The following CNN3 variants were observed in gnomAD, a reference collection of about 807,000 sequenced individuals.
CNN3 encodes calponin-3.
A neutral mutation model predicts 39.0 loss-of-function variants in CNN3; 11 were observed. That is an observed-to-expected ratio of 0.28 (90% confidence interval 0.18 to 0.47). The LOEUF (loss-of-function observed/expected upper bound fraction) is 0.47. Among genes scored for constraint, CNN3 ranks in the 20% least tolerant of loss-of-function variants. The pLI is 0.99. For missense variants in CNN3, 266 were observed against 403.4 expected (o/e 0.66, Z 2.92); for synonymous variants, 101 against 138.3 (o/e 0.73, Z 1.89).
chr1:94,912,989 T>A (rs373798982), intron 1 of CNN3, among the ~76,000 whole-genome samples: 1 of 152,308 alleles, frequency 6.6e-6, no homozygotes, highest in East Asian at 1.9e-4. Context: ...ACCTCAATGT[T>A]TGGATTTAGA....
At chr1:94,899,213 C>T (rs1206242700) in intron 6 of CNN3, among the ~76,000 whole-genome samples, 158 bp downstream of exon 6, 3 of 152,102 alleles carry the variant, frequency 2.0e-5, no homozygotes, top group Admixed American at 2.0e-4. Context: ...TTGCTGCTAT[C>T]GAAAAGGTCT....
chr1:94,904,853 G>A (rs572634181), intron 1 of CNN3, among the ~76,000 whole-genome samples: 2 of 152,254 alleles, frequency 1.3e-5, no homozygotes, highest in South Asian at 2.1e-4. Context: ...CATAGGAAAT[G>A]CTCAGGAGAT....
In CNN3 at chr1:94,897,899, T is replaced by A; in HGVS notation, c.833A>T (p.Glu278Val). ...YDPKYCAAPT[E>V]PVIHNGSQGT... Reference sequence around the variant, plus strand: ...TTGGCTTCCGTTGTGAATGACAGGTTCTGTAGGAGCAGCACAGTATTTGGG... The same window carrying A: ...TTGGCTTCCGTTGTGAATGACAGGTACTGTAGGAGCAGCACAGTATTTGGG... Residue 278 changes from glutamate to valine, a missense_variant, in exon 7 of 7, where the codon GAA becomes GTA. Glu to Val is a moderately radical substitution (Grantham distance 121, BLOSUM62 -2). Coordinates refer to ENST00000370206, the MANE Select transcript of CNN3 (RefSeq NM_001839.5). 6.2e-7 allele frequency: 1 copy of A among 1,614,130 alleles called. No homozygotes were observed. Among genetic ancestry groups the A allele is most frequent in the Non-Finnish European group, 8.5e-7 (1 of 1,179,996 alleles).
chr1:94,925,702 G>T lies in CNN3; in HGVS notation c.57+1136C>A, dbSNP rs571294016. On this transcript the variant is annotated intron_variant, in intron 1 of 6. Coordinates refer to ENST00000370206, the MANE Select transcript of CNN3 (RefSeq NM_001839.5). ...GGATGTTCCAGCTCTGACAATGCCAGTGCCTTCCACCAGCGGTCGGACGGT... is the reference window on the plus strand; with the variant it reads ...GGATGTTCCAGCTCTGACAATGCCATTGCCTTCCACCAGCGGTCGGACGGT... 3 of 985,504 alleles carry T rather than the reference G, an allele frequency of 3.0e-6. No homozygotes were observed. The African/African-American group carries it at 5.2e-5, about 17-fold the overall frequency. The allele number at this position is 985,504 out of a possible 1,614,324, so 61.0% of individuals were successfully genotyped here. A position where few individuals can be genotyped will look rare whatever the true frequency, so the allele number is the denominator to read the frequency against.
chr1:94,899,438 T>C lies in CNN3; in HGVS notation c.581A>G (p.Gln194Arg). 6.2e-7 allele frequency: 1 copy of C among 1,614,132 alleles called. No homozygotes were observed. The highest frequency in any genetic ancestry group is 1.3e-5 in the African/African-American group (1 of 75,046). The change falls in exon 6 of 7, where the codon CAA becomes CGA. Residue 194 changes from glutamine to arginine, a missense_variant. Physicochemically the swap from Gln to Arg is conservative, Grantham distance 43. Transcript: ENST00000370206. Reference sequence around the variant, plus strand: ...GGTCTGGTCAAAAGGTTTGTCAGTTTGCATTTTGGGATCATAAAGATGCCT... The same window carrying C: ...GGTCTGGTCAAAAGGTTTGTCAGTTCGCATTTTGGGATCATAAAGATGCCT... The part of the protein sequence containing the change: ...TRRHLYDPKM[Q>R]TDKPFDQTTI...
At chr1:94,899,878 C>A (rs1447327785) in intron 5 of CNN3, among the ~76,000 whole-genome samples, 1 of 152,112 alleles carries the variant, frequency 6.6e-6, no homozygotes, top group Non-Finnish European at 1.5e-5. Context: ...TAATCCTAGG[C>A]CAAGCAATAT....
At chr1:94,915,506 AT>A (rs1671258747) in intron 1 of CNN3, among the ~76,000 whole-genome samples, 2 of 152,214 alleles carry the variant, frequency 1.3e-5, no homozygotes, top group Admixed American at 1.3e-4. Flanking sequence ...ATTTTACATA[AT>A]TGTAATGCAA....
At chr1:94,903,353 GT>G in intron 2 of CNN3, 49 bp downstream of exon 2, 1 of 1,549,280 alleles carries the variant, frequency 6.5e-7, no homozygotes, top group Non-Finnish European at 8.7e-7. Flanking sequence ...AGAGAAGGCT[GT>G]GGAAAGAACT....
chr1:94,901,904 C>T (rs573075452), intron 4 of CNN3, 119 bp from the exon 5 acceptor site: 1 of 749,546 alleles, frequency 1.3e-6, no homozygotes, highest in African/African-American at 1.8e-5. Flanking sequence ...GTATTTAAGG[C>T]TGTTCAATAA....
At chr1:94,908,388 G>C (rs1671070020) in intron 1 of CNN3, among the ~76,000 whole-genome samples, 1 of 152,184 alleles carries the variant, frequency 6.6e-6, no homozygotes, top group Admixed American at 6.5e-5. Context: ...TCAGCCCTTA[G>C]AGCTTCCCTT....
intron 3 of CNN3, 92 bp downstream of exon 3, chr1:94,903,030 A>AC: frequency 2.1e-6 from 2 of 967,738 alleles, no homozygotes; most frequent in Non-Finnish European, 2.9e-6. Flanking sequence ...AAAAAAAAAA[A>AC]AACACAAAAC....
intron 1 of CNN3, among the ~76,000 whole-genome samples, chr1:94,921,833 A>G (rs1280952584): frequency 6.6e-6 from 1 of 151,188 alleles, no homozygotes; most frequent in East Asian, 1.9e-4. Flanking sequence ...ACTTCAGCAA[A>G]GTGTATCTTA....
intron 1 of CNN3, 131 bp from the exon 2 acceptor site, chr1:94,903,655 T>G (rs859054): frequency 0.85 from 1,007,829 of 1,185,020 alleles, 429,719 homozygotes; most frequent in East Asian, 0.95. Context: ...ACTCAATAGA[T>G]CTCAATGGCA....
chr1:94,901,552 A>ACC (rs10605235), intron 5 of CNN3, 117 bp downstream of exon 5: 26 of 591,910 alleles, frequency 4.4e-5, no homozygotes, highest in Admixed American at 1.5e-4. Context: ...TATAAACTAC[A>ACC]CCCCCCCCCC....
chr1:94,913,528 C>T (rs1178956462), intron 1 of CNN3, among the ~76,000 whole-genome samples: 1 of 152,192 alleles, frequency 6.6e-6, no homozygotes, highest in African/African-American at 2.4e-5. Flanking sequence ...GGTTAAACCA[C>T]ATCTGTGGCA....
intron 1 of CNN3, among the ~76,000 whole-genome samples, chr1:94,907,816 T>C (rs547768897): frequency 5.3e-5 from 8 of 152,322 alleles, no homozygotes; most frequent in South Asian, 2.1e-4. Context: ...GCTGAGATGG[T>C]GCCACTGCAC....
intron 6 of CNN3, among the ~76,000 whole-genome samples, chr1:94,899,148 G>A (rs561267946): frequency 1.3e-5 from 2 of 152,148 alleles, no homozygotes; most frequent in East Asian, 1.9e-4. Flanking sequence ...TGCTGGCTAG[G>A]TAGAAAGGCC....
Position 94,924,921 on chromosome 1 carries a change from A to C in CNN3, c.57+1917T>G, listed in dbSNP as rs77868766. On this transcript the variant is annotated intron_variant, in intron 1 of 6. Transcript: ENST00000370206. Reference sequence around the variant, plus strand: ...CAAAAATGAAACGGGTTATTAAAAAATGGGTTTGGTGCTTAAAGGGATAAA... The same window carrying C: ...CAAAAATGAAACGGGTTATTAAAAACTGGGTTTGGTGCTTAAAGGGATAAA... 1.2e-3 allele frequency among the ~76,000 whole-genome samples: 179 copies of C among 152,344 alleles called. No homozygotes were observed. The East Asian group carries it at 0.016, about 13-fold the overall frequency.
intron 1 of CNN3, among the ~76,000 whole-genome samples, chr1:94,921,111 G>A (rs1671429948): frequency 6.6e-6 from 1 of 152,152 alleles, no homozygotes; most frequent in African/African-American, 2.4e-5. Context: ...AGAAAATGCA[G>A]GGCTGGGCAC....
Sources: allele counts gnomAD v4.1 joint callset (sites outside exome capture counted in the v4.1 genomes callset), GRCh38; gene constraint gnomAD v4.1.1; transcripts MANE v1.5; gene names NCBI Gene and HGNC (gene_info 2026-07-23, HGNC 2026-07-21).